The following PAF1 variants were observed in gnomAD, a reference collection of about 807,000 sequenced individuals.
PAF1 encodes RNA polymerase II-associated factor 1 homolog.
A neutral mutation model predicts 68.4 loss-of-function variants in PAF1; 31 were observed. That is an observed-to-expected ratio of 0.45 (90% CI 0.34 to 0.61). The LOEUF (loss-of-function observed/expected upper bound fraction) is 0.61, where lower values mean the gene tolerates loss of function less well. Among genes scored for constraint, PAF1 ranks in the 20% least tolerant of loss-of-function variants. PAF1 has a pLI of 0.01. For synonymous variants in PAF1, 256 were observed against 240.5 expected (o/e 1.06, Z -0.60); for missense variants, 435 against 692.9 (o/e 0.63, Z 4.18).
intron 1 of PAF1, 47 bp downstream of exon 1, chr19:39,390,771 C>G (rs1041600848): frequency 6.5e-7 from 1 of 1,546,518 alleles, no homozygotes. Flanking sequence ...AGCAGAAACC[C>G]TCTCCCGATC....
chr19:39,391,022 A>G lies in PAF1; in HGVS notation c.-158T>C. 4.3e-6 allele frequency: 3 copies of G among 700,352 alleles called. No individual in the cohort carries two copies. The highest frequency in any genetic ancestry group is 3.7e-5 in the South Asian group (2 of 53,506). 43.4% of individuals were successfully genotyped at this position (700,352 alleles called of 1,614,324 possible). ...TGAGATGAGGTGGGCGGGCGAGAAG[A>G]GCTCCAGCGAGACTCAGGTGAACGC... On this transcript the variant is annotated 5_prime_UTR_variant, in exon 1 of 14. Transcript: ENST00000221265.
At position 39,390,425 on chromosome 19, in the gene PAF1, C is replaced by G; in HGVS notation, c.48-136G>C. 3.8e-6 allele frequency: 3 copies of G among 787,878 alleles called. 1 individual carries two copies. In the South Asian group the frequency reaches 4.7e-5, roughly 12 times the overall value. 48.8% of individuals were successfully genotyped at this position (787,878 alleles called of 1,614,324 possible). Reference sequence around the variant, plus strand: ...CTTTGGGTGGTGGTGTGGGGAGTGTCCAAATGCTTTAATGGAAGGAGACAA... The same window carrying G: ...CTTTGGGTGGTGGTGTGGGGAGTGTGCAAATGCTTTAATGGAAGGAGACAA... On this transcript the variant is annotated intron_variant, in intron 1 of 13. Coordinates refer to ENST00000221265, the MANE Select transcript of PAF1 (RefSeq NM_019088.4).
Position 39,389,960 on chromosome 19 carries a change from C to G in PAF1, c.170+109G>C. ...ACAATTGAGCAGCTACTACTATGTG[C>G]TAGGGTAGGTACTGTGCTAGGCCCT... On this transcript the variant is annotated intron_variant, in intron 3 of 13. Transcript: ENST00000221265. This position sits in a 1 kb window ranked among gnomAD's most constrained non-coding sequence, Gnocchi z 5.3. 9.4e-7 allele frequency: 1 copy of G among 1,067,260 alleles called. No individual in the cohort carries two copies. The highest frequency in any genetic ancestry group is 1.4e-6 in the Non-Finnish European group (1 of 696,206). The allele number at this position is 1,067,260 out of a possible 1,614,324, so 66.1% of individuals were successfully genotyped here.
In PAF1 at chr19:39,389,611, G is replaced by C. The variant is rs1568374967; in HGVS notation, c.292+29C>G. 2 of 1,614,196 alleles carry C rather than the reference G, an allele frequency of 1.2e-6. No homozygotes were observed. The highest frequency in any genetic ancestry group is 1.7e-6 in the Non-Finnish European group (2 of 1,180,022). On this transcript the variant is annotated intron_variant, in intron 4 of 13. Coordinates refer to ENST00000221265, the MANE Select transcript of PAF1 (RefSeq NM_019088.4). The surrounding 1 kb of genome is among the most constrained non-coding windows in gnomAD (Gnocchi z 5.3). ...CCAGGCCTGAGCCTTTGCTGACCTA[G>C]AGCAGACCCTCCCTGTCTCCCCACA...
At position 39,389,381 on chromosome 19, in the gene PAF1, G is replaced by C; in HGVS notation, c.362C>G (p.Ser121Cys). ...EIQAPTSSKR[S>C]QQHAKVVPWM... The stretch of plus-strand genomic sequence containing the variant: ...TGGCACCACCTTCGCGTGCTGCTGG[G>C]ATCTGGGGTGGGAAATCAGGTATCT... Residue 121 changes from serine (S) to cysteine (C), a missense_variant and splice_region_variant, in exon 6 of 14, where the codon TCC (serine) becomes TGC (cysteine). Coordinates refer to ENST00000221265, the MANE Select transcript of PAF1 (RefSeq NM_019088.4). The surrounding 1 kb of genome is among the most constrained non-coding windows in gnomAD (Gnocchi z 5.3). The C allele has an allele frequency of 6.2e-7, 1 of 1,614,084 alleles. No homozygotes were observed. Among genetic ancestry groups the C allele is most frequent in the Non-Finnish European group, 8.5e-7 (1 of 1,179,948 alleles).
In PAF1 at chr19:39,388,332, T is replaced by C. The variant is rs377651629; in HGVS notation, c.986+7A>G. ...CCAGGCTAATCAGATAGGAGTGTGCTGAGTACCTGGTTTCCAACTCATTGT... is the reference window on the plus strand; with the variant it reads ...CCAGGCTAATCAGATAGGAGTGTGCCGAGTACCTGGTTTCCAACTCATTGT... On this transcript the variant is annotated splice_region_variant and intron_variant, in intron 11 of 13. Coordinates refer to ENST00000221265, the MANE Select transcript of PAF1 (RefSeq NM_019088.4). 23 of 1,614,150 alleles carry C rather than the reference T, an allele frequency of 1.4e-5. No individual in the cohort carries two copies. Among genetic ancestry groups the C allele is most frequent in the Non-Finnish European group, 1.9e-5 (23 of 1,179,992 alleles).
Position 39,386,632 on chromosome 19 carries a change from C to T in PAF1, c.1093-60G>A. 1 of 1,604,176 alleles carries T rather than the reference C, an allele frequency of 6.2e-7. No homozygotes were observed. Among genetic ancestry groups the T allele is most frequent in the Non-Finnish European group, 8.5e-7 (1 of 1,170,988 alleles). ...GGTGTTCTGCTGGGTTTTTGTCCCC[C>T]TCCTCACCTACAACCACCACCCTCC... On this transcript the variant is annotated intron_variant, in intron 12 of 13. Transcript: ENST00000221265. The surrounding 1 kb of genome is among the most constrained non-coding windows in gnomAD (Gnocchi z 6.1).
rs1274753952 is a variant in PAF1 at position 39,389,243 on chromosome 19, A to G, written c.461+39T>C. 3 of 1,606,342 alleles carry G rather than the reference A, an allele frequency of 1.9e-6. No homozygotes were observed. In the Admixed American group the frequency reaches 5.0e-5, roughly 27 times the overall value. On this transcript the variant is annotated intron_variant, in intron 6 of 13. Coordinates refer to ENST00000221265, the MANE Select transcript of PAF1 (RefSeq NM_019088.4). The surrounding 1 kb of genome is among the most constrained non-coding windows in gnomAD (Gnocchi z 5.3). ...TCCTTAGGGGCCACTGGACACACCTAATATCTCCACCTTCCCTCTCTTCCT... is the reference window on the plus strand; with the variant it reads ...TCCTTAGGGGCCACTGGACACACCTGATATCTCCACCTTCCCTCTCTTCCT...
In PAF1 at chr19:39,390,091, T is replaced by C; in HGVS notation, c.148A>G (p.Thr50Ala). 6.2e-7 allele frequency: 1 copy of C among 1,613,632 alleles called. No homozygotes were observed. The highest frequency in any genetic ancestry group is 8.5e-7 in the Non-Finnish European group (1 of 1,179,674). ...CACCTGTTCTGGTCGAAGGGGTAGG[T>C]GATGAACTTGGGGTCGAAGGGGATA... ...PDIPFDPKFI[T>A]YPFDQNRFVQ... is the part of the protein sequence containing the mutation. Residue 50 changes from threonine to alanine, a missense_variant, in exon 3 of 14, where the codon ACC (threonine) becomes GCC (alanine). Transcript: ENST00000221265.
chr19:39,386,464 T>C lies in PAF1; in HGVS notation c.1183+18A>G. ...CCACCCTCCCAGGGCTCCCAGAGTC[T>C]GGCCTGTCCAGATTTACCTGAGCCC... On this transcript the variant is annotated intron_variant, in intron 13 of 13. Coordinates refer to ENST00000221265, the MANE Select transcript of PAF1 (RefSeq NM_019088.4). This position sits in a 1 kb window ranked among gnomAD's most constrained non-coding sequence, Gnocchi z 6.1. The C allele has an allele frequency of 6.2e-7, 1 of 1,614,186 alleles. No individual in the cohort carries two copies. The highest frequency in any genetic ancestry group is 8.5e-7 in the Non-Finnish European group (1 of 1,180,024).
chr19:39,387,515 G>C (rs1568373243), intron 11 of PAF1, among the ~76,000 whole-genome samples: 2 of 152,174 alleles, frequency 1.3e-5, no homozygotes, highest in East Asian at 1.9e-4. Flanking sequence ...CAGAACTCCA[G>C]GTCACTCAGA....
chr19:39,388,821 T>C lies in PAF1; in HGVS notation c.681A>G (p.Pro227=). The change falls in exon 9 of 14, where the codon CCA becomes CCG. Residue 227 remains proline (P), a synonymous_variant. Coordinates refer to ENST00000221265, the MANE Select transcript of PAF1 (RefSeq NM_019088.4). Reference sequence around the variant, plus strand: ...CTGCACCACTCGTGTCCTTGGGGGCTGGGTCTGAGTCAAAGATCACCTGAG... The same window carrying C: ...CTGCACCACTCGTGTCCTTGGGGGCCGGGTCTGAGTCAAAGATCACCTGAG... ...PCAQVIFDSD[P]APKDTSGAAA... 6.2e-7 allele frequency: 1 copy of C among 1,614,180 alleles called. No individual in the cohort carries two copies. Among genetic ancestry groups the C allele is most frequent in the Non-Finnish European group, 8.5e-7 (1 of 1,180,020 alleles).
chr19:39,388,707 T>C (rs1385246849), intron 9 of PAF1, 31 bp from the exon 10 acceptor site: 3 of 1,610,760 alleles, frequency 1.9e-6, no homozygotes, highest in Non-Finnish European at 2.5e-6. Context: ...AGCAATGAAG[T>C]GTGAGGACAA....
At position 39,386,196 on chromosome 19, in the gene PAF1, G is replaced by A. The variant is rs752317517; in HGVS notation, c.1391C>T (p.Ala464Val). The change falls in exon 14 of 14, where the codon GCC becomes GTC. Residue 464 changes from alanine (A) to valine (V), a missense_variant. This residue lies in a region of PAF1 where 83 missense variants were observed against 99.9 expected (regional missense o/e 0.83). Transcript: ENST00000221265. The surrounding 1 kb of genome is among the most constrained non-coding windows in gnomAD (Gnocchi z 6.1). ...TCCTCTGTCCTCATCATCAGAGTCGGCATCGTCCTCAGAATCAGCATCACT... is the reference window on the plus strand; with the variant it reads ...TCCTCTGTCCTCATCATCAGAGTCGACATCGTCCTCAGAATCAGCATCACT... Reference protein sequence around the residue: ...FGSDADSEDDADSDDEDRGQA... With the variant: ...FGSDADSEDDVDSDDEDRGQA... The A allele has an allele frequency of 6.2e-7, 1 of 1,614,118 alleles. No homozygotes were observed. The highest frequency in any genetic ancestry group is 1.3e-5 in the African/African-American group (1 of 75,008).
At chr19:39,387,790 A>G (rs1446463620) in intron 11 of PAF1, among the ~76,000 whole-genome samples, 3 of 152,214 alleles carry the variant, frequency 2.0e-5, no homozygotes, top group Non-Finnish European at 4.4e-5. Context: ...TCTGTTACTA[A>G]TACTGGGAAA....
chr19:39,390,430 T>C (rs1220945720), intron 1 of PAF1, 141 bp from the exon 2 acceptor site: 1 of 763,186 alleles, frequency 1.3e-6, no homozygotes, highest in Admixed American at 2.3e-5. Flanking sequence ...AGTGTCCAAA[T>C]GCTTTAATGG....
Position 39,389,055 on chromosome 19 carries a change from C to T in PAF1, c.567+38G>A, listed in dbSNP as rs747086050. ...ACAAGGTGAGGAGGAGCTCTGCAGC[C>T]GCACCCTTGCCTCTCCCCATCCCAG... On this transcript the variant is annotated intron_variant, in intron 7 of 13. Transcript: ENST00000221265. This position sits in a 1 kb window ranked among gnomAD's most constrained non-coding sequence, Gnocchi z 5.3. 129 of 1,612,496 alleles carry T rather than the reference C, an allele frequency of 8.0e-5. No homozygotes were observed. Among genetic ancestry groups the T allele is most frequent in the East Asian group, 5.8e-4 (26 of 44,890 alleles).
At position 39,389,461 on chromosome 19, in the gene PAF1, C is replaced by G; in HGVS notation, c.359+19G>C. Reference sequence around the variant, plus strand: ...GCCCACCTGAGCCAGTCTCCAGTACCCATTTGCTACCCACTCACCTCTTGG... The same window carrying G: ...GCCCACCTGAGCCAGTCTCCAGTACGCATTTGCTACCCACTCACCTCTTGG... On this transcript the variant is annotated intron_variant, in intron 5 of 13. Coordinates refer to ENST00000221265, the MANE Select transcript of PAF1 (RefSeq NM_019088.4). This position sits in a 1 kb window ranked among gnomAD's most constrained non-coding sequence, Gnocchi z 5.3. 1 of 1,613,762 alleles carries G rather than the reference C, an allele frequency of 6.2e-7. No individual in the cohort carries two copies.
chr19:39,386,501 C>A lies in PAF1; in HGVS notation c.1164G>T (p.Glu388Asp). The A allele has an allele frequency of 6.2e-7, 1 of 1,614,168 alleles. No individual in the cohort carries two copies. Among genetic ancestry groups the A allele is most frequent in the Non-Finnish European group, 8.5e-7 (1 of 1,180,018 alleles). The change falls in exon 13 of 14, where the codon GAG becomes GAT. Residue 388 changes from glutamate to aspartate, a missense_variant. By Grantham distance (45) the Glu-to-Asp change is conservative. Transcript: ENST00000221265. This position sits in a 1 kb window ranked among gnomAD's most constrained non-coding sequence, Gnocchi z 6.1. ...ATTTACCTGAGCCCCCAGCTTCTTT[C>A]TCTTCTGTCTCCATCTCCTCTTCCT... The part of the protein sequence containing the change: ...EEEEEEMETE[E>D]KEAGGSDEEQ...
Sources: gnomAD v4.1 joint callset for allele counts (sites outside exome capture counted in the v4.1 genomes callset) on GRCh38, gnomAD v4.1.1 for gene constraint, gnomAD v4.1.1 regional missense constraint, Gnocchi (gnomAD v3.1) non-coding constraint, MANE v1.5 for transcripts, NCBI Gene and HGNC (gene_info 2026-07-23, HGNC 2026-07-21) for gene names.